AGPAT4: variants seen among roughly 807,000 people sequenced by gnomAD.
AGPAT4 encodes the protein 1-acyl-sn-glycerol-3-phosphate acyltransferase delta.
AGPAT4 carries 15 observed loss-of-function variants against 48.0 expected under a neutral mutation model. That is an observed-to-expected ratio of 0.31 (90% CI 0.21 to 0.48). The LOEUF (loss-of-function observed/expected upper bound fraction) is 0.48. Ranked by LOEUF, AGPAT4 falls within the 20% of genes least tolerant of loss-of-function variation. The pLI, the probability that AGPAT4 is intolerant of heterozygous loss-of-function variation, is 0.99. For synonymous variants in AGPAT4, 178 were observed against 198.7 expected (o/e 0.90, Z 0.88); for missense variants, 314 against 482.5 (o/e 0.65, Z 3.27).
rs1583337625 is a variant in AGPAT4, at chr6:161,216,769, A to T, written c.178+15267T>A. Among the ~76,000 whole-genome samples the T allele has an allele frequency of 6.6e-6, 1 of 152,184 alleles. No individual in the cohort carries two copies. Among genetic ancestry groups the T allele is most frequent in the Non-Finnish European group, 1.5e-5 (1 of 68,046 alleles). On this transcript the variant is annotated intron_variant, in intron 2 of 8. Transcript: ENST00000320285. The surrounding 1 kb of genome is among the most constrained non-coding windows in gnomAD (Gnocchi z 4.8). ...AGAAGCAAAAGCGGAGACCCCTGAT[A>T]AACCCATCAGATCTCGTGAGACTTA... is the stretch of plus-strand genomic sequence containing the variant.
rs1358398705 is a variant in AGPAT4, at chr6:161,272,422, A to G, written c.-90+1516T>C. 6.6e-6 allele frequency among the ~76,000 whole-genome samples: 1 copy of G among 152,214 alleles called. No individual in the cohort carries two copies. Among genetic ancestry groups the G allele is most frequent in the Non-Finnish European group, 1.5e-5 (1 of 68,036 alleles). On this transcript the variant is annotated intron_variant, in intron 1 of 8. Coordinates refer to ENST00000320285, the MANE Select transcript of AGPAT4 (RefSeq NM_020133.3). The surrounding 1 kb of genome is among the most constrained non-coding windows in gnomAD (Gnocchi z 4.2). ...TAAAAGCTAATTATTTGGGATGCCC[A>G]TCAGAAGAATGGTATCCCTTATCAA...
rs1778971463 is a variant in AGPAT4, at chr6:161,133,586, C to CAAAA, written c.*2953_*2954insTTTT. On this transcript the variant is annotated 3_prime_UTR_variant, in exon 9 of 9. Transcript: ENST00000320285. The stretch of plus-strand genomic sequence containing the variant: ...GCTGCATCTTCCAAATGGTTGGTGT[C>CAAAA]TTTTTAAGAGTCCCCGTGGGCTGGC... 6.6e-6 allele frequency: 1 copy of CAAAA among 152,198 alleles called. No individual in the cohort carries two copies. Among genetic ancestry groups the CAAAA allele is most frequent in the East Asian group, 1.9e-4 (1 of 5,196 alleles). The allele number at this position is 152,198 out of a possible 1,614,324, so 9.4% of individuals were successfully genotyped here. A position where few individuals can be genotyped will look rare whatever the true frequency, so the allele number is the denominator to read the frequency against.
chr6:161,179,133 A>T (rs1780511795), intron 2 of AGPAT4, among the ~76,000 whole-genome samples: 1 of 152,158 alleles, frequency 6.6e-6, no homozygotes, highest in African/African-American at 2.4e-5. Flanking sequence ...TCAGGGGCTG[A>T]CTGAAGAACA....
At position 161,138,593 on chromosome 6, in the gene AGPAT4, C is replaced by T. The variant is rs973149053; in HGVS notation, c.1042+829G>A. Among the ~76,000 whole-genome samples the T allele has an allele frequency of 1.3e-5, 2 of 152,076 alleles. No individual in the cohort carries two copies. The highest frequency in any genetic ancestry group is 2.9e-5 in the Non-Finnish European group (2 of 68,026). ...TTCCATTTTCTGCGCTTGTCTATTG[C>T]TTGGGCCTTTTATAGTGAGCATACT... is the stretch of plus-strand genomic sequence containing the variant. On this transcript the variant is annotated intron_variant, in intron 8 of 8. Coordinates refer to ENST00000320285, the MANE Select transcript of AGPAT4 (RefSeq NM_020133.3). The surrounding 1 kb of genome is among the most constrained non-coding windows in gnomAD (Gnocchi z 4.8).
Position 161,155,744 on chromosome 6 carries a change from G to T in AGPAT4, c.349-1434C>A, listed in dbSNP as rs1281455749. 1.3e-5 allele frequency among the ~76,000 whole-genome samples: 2 copies of T among 152,250 alleles called. No individual in the cohort carries two copies. Among genetic ancestry groups the T allele is most frequent in the Non-Finnish European group, 2.9e-5 (2 of 68,046 alleles). Reference sequence around the variant, plus strand: ...GGGGACTCCGGGAACATCCCCGTGGGTGGGTGAACCCACTGGTGCGGGTGT... The same window carrying T: ...GGGGACTCCGGGAACATCCCCGTGGTTGGGTGAACCCACTGGTGCGGGTGT... On this transcript the variant is annotated intron_variant, in intron 3 of 8. Transcript: ENST00000320285. The surrounding 1 kb of genome is among the most constrained non-coding windows in gnomAD (Gnocchi z 5.8).
rs1562344037 is a variant in AGPAT4 at position 161,219,946 on chromosome 6, G to GACAGA, written c.178+12089_178+12090insTCTGT. On this transcript the variant is annotated intron_variant, in intron 2 of 8. Transcript: ENST00000320285. The surrounding 1 kb of genome is among the most constrained non-coding windows in gnomAD (Gnocchi z 4.9). ...GGCAGGCAGGCAGGCAGGCAGGCAG[G>GACAGA]CAGACAGACAGACAGACAGACAGGC... Among the ~76,000 whole-genome samples the GACAGA allele has an allele frequency of 1.3e-4, 18 of 143,808 alleles. No homozygotes were observed. Among genetic ancestry groups the GACAGA allele is most frequent in the African/African-American group, 4.9e-4 (18 of 36,474 alleles). The allele number at this position is 143,808 out of a possible 152,430, so 94.3% of individuals were successfully genotyped here.
In AGPAT4 at chr6:161,144,745, G is replaced by A. The variant is rs1003343749; in HGVS notation, c.843+1779C>T. ...TGTAATCCCAGCACTTTGGGAGGCC[G>A]AGGAGGGCAGATCACAAGACCTTGT... On this transcript the variant is annotated intron_variant, in intron 7 of 8. Coordinates refer to ENST00000320285, the MANE Select transcript of AGPAT4 (RefSeq NM_020133.3). The surrounding 1 kb of genome is among the most constrained non-coding windows in gnomAD (Gnocchi z 6.6). Among the ~76,000 whole-genome samples, 2 of 152,280 alleles carry A rather than the reference G, an allele frequency of 1.3e-5. No homozygotes were observed. The highest frequency in any genetic ancestry group is 2.4e-5 in the African/African-American group (1 of 41,550).
intron 1 of AGPAT4, among the ~76,000 whole-genome samples, chr6:161,268,645 G>A (rs75986527): frequency 0.024 from 3,594 of 152,264 alleles, 64 homozygotes; most frequent in Middle Eastern, 0.061. Flanking sequence ...GTGCCAACCA[G>A]AGTTATTAGG....
At chr6:161,199,752 G>A (rs531458346) in intron 2 of AGPAT4, among the ~76,000 whole-genome samples, 21 of 152,122 alleles carry the variant, frequency 1.4e-4, no homozygotes, top group Non-Finnish European at 1.8e-4. Flanking sequence ...TCTCTCCTCC[G>A]GCCACGTAAA....
At position 161,149,544 on chromosome 6, in the gene AGPAT4, CTTTCT is replaced by C. The variant is rs1271876087; in HGVS notation, c.665-260_665-256del. ...TGAAGTCAGATCATTTTTTTCTTTTCTTTCTTTTCTTTTTTTTTGGAGATGGAGTC... is the reference window on the plus strand; with the variant it reads ...TGAAGTCAGATCATTTTTTTCTTTTCTTTCTTTTTTTTTGGAGATGGAGTC... On this transcript the variant is annotated intron_variant, in intron 5 of 8. Coordinates refer to ENST00000320285, the MANE Select transcript of AGPAT4 (RefSeq NM_020133.3). The surrounding 1 kb of genome is among the most constrained non-coding windows in gnomAD (Gnocchi z 6.5). 6.6e-6 allele frequency among the ~76,000 whole-genome samples: 1 copy of C among 151,698 alleles called. No homozygotes were observed. The highest frequency in any genetic ancestry group is 1.5e-5 in the Non-Finnish European group (1 of 67,954).
Position 161,232,604 on chromosome 6 carries a change from T to C in AGPAT4, c.-89-302A>G, listed in dbSNP as rs1782150765. On this transcript the variant is annotated intron_variant, in intron 1 of 8. Coordinates refer to ENST00000320285, the MANE Select transcript of AGPAT4 (RefSeq NM_020133.3). The surrounding 1 kb of genome is among the most constrained non-coding windows in gnomAD (Gnocchi z 6.8). Reference sequence around the variant, plus strand: ...CGGCCAGGGTTCACCGCTCCCCAGCTGGGCAGCAGCTGAGCCAGCCACGGA... The same window carrying C: ...CGGCCAGGGTTCACCGCTCCCCAGCCGGGCAGCAGCTGAGCCAGCCACGGA... Among the ~76,000 whole-genome samples the C allele has an allele frequency of 6.6e-6, 1 of 152,176 alleles. No homozygotes were observed. The highest frequency in any genetic ancestry group is 2.4e-5 in the African/African-American group (1 of 41,450).
At position 161,139,633 on chromosome 6, in the gene AGPAT4, A is replaced by G; in HGVS notation, c.844-13T>C. ...CCTGAAAGGCATCCTGGGGGACAGG[A>G]AAGAGGACCCTCAGACGCCACACGG... On this transcript the variant is annotated splice_polypyrimidine_tract_variant and intron_variant, in intron 7 of 8. Transcript: ENST00000320285. The surrounding 1 kb of genome is among the most constrained non-coding windows in gnomAD (Gnocchi z 9.1). 1 of 1,589,028 alleles carries G rather than the reference A, an allele frequency of 6.3e-7. No homozygotes were observed.
At position 161,270,296 on chromosome 6, in the gene AGPAT4, G is replaced by A. The variant is rs1174505734; in HGVS notation, c.-90+3642C>T. On this transcript the variant is annotated intron_variant, in intron 1 of 8. Transcript: ENST00000320285. The surrounding 1 kb of genome is among the most constrained non-coding windows in gnomAD (Gnocchi z 5.3). ...CCACTGCAGACCTTCCCAAGCCCAT[G>A]CATGAAGCCAGGTTTCAGAGTTCCA... Among the ~76,000 whole-genome samples the A allele has an allele frequency of 6.6e-6, 1 of 152,164 alleles. No homozygotes were observed. The highest frequency in any genetic ancestry group is 1.5e-5 in the Non-Finnish European group (1 of 68,032).
Position 161,206,869 on chromosome 6 carries a change from T to C in AGPAT4, c.178+25167A>G, listed in dbSNP as rs539205628. Among the ~76,000 whole-genome samples, 2 of 151,644 alleles carry C rather than the reference T, an allele frequency of 1.3e-5. No individual in the cohort carries two copies. The highest frequency in any genetic ancestry group is 4.8e-5 in the African/African-American group (2 of 41,254). On this transcript the variant is annotated intron_variant, in intron 2 of 8. Transcript: ENST00000320285. This position sits in a 1 kb window ranked among gnomAD's most constrained non-coding sequence, Gnocchi z 4.8. The stretch of plus-strand genomic sequence containing the variant: ...AAGAACCAAGTGGAAAAGTAATTGG[T>C]CAAAATAAGACACTCAATGGATGAG...
chr6:161,194,322 G>A (rs1033755563), intron 2 of AGPAT4, among the ~76,000 whole-genome samples: 7 of 152,112 alleles, frequency 4.6e-5, no homozygotes, highest in Admixed American at 3.9e-4. Flanking sequence ...TTGGACGCAC[G>A]ACACTAATCT....
intron 2 of AGPAT4, among the ~76,000 whole-genome samples, chr6:161,167,097 C>CA (rs1780121996): frequency 1.3e-5 from 2 of 152,286 alleles, no homozygotes; most frequent in Admixed American, 6.5e-5. Flanking sequence ...CTGGCAGGCT[C>CA]AGGAAAAGCC....
At position 161,144,058 on chromosome 6, in the gene AGPAT4, G is replaced by C. The variant is rs1390624843; in HGVS notation, c.843+2466C>G. On this transcript the variant is annotated intron_variant, in intron 7 of 8. Coordinates refer to ENST00000320285, the MANE Select transcript of AGPAT4 (RefSeq NM_020133.3). This position sits in a 1 kb window ranked among gnomAD's most constrained non-coding sequence, Gnocchi z 6.6. ...AAACTGGGTCGGGCACCCAGATTTG[G>C]GGCACGTAAAGCTTTAGATCTAGGC... 3.7e-5 allele frequency: 18 copies of C among 488,116 alleles called. No individual in the cohort carries two copies. The highest frequency in any genetic ancestry group is 5.5e-5 in the Non-Finnish European group (13 of 235,720). 30.2% of individuals were successfully genotyped at this position (488,116 alleles called of 1,614,324 possible). A position where few individuals can be genotyped will look rare whatever the true frequency, so the allele number is the denominator to read the frequency against.
Position 161,146,832 on chromosome 6 carries a change from ACAGACAGAT to A in AGPAT4, c.768-242_768-234del, listed in dbSNP as rs1449574928. 6.6e-6 allele frequency among the ~76,000 whole-genome samples: 1 copy of A among 152,220 alleles called. No individual in the cohort carries two copies. On this transcript the variant is annotated intron_variant, in intron 6 of 8. Coordinates refer to ENST00000320285, the MANE Select transcript of AGPAT4 (RefSeq NM_020133.3). The surrounding 1 kb of genome is among the most constrained non-coding windows in gnomAD (Gnocchi z 7.1). The stretch of plus-strand genomic sequence containing the variant: ...ACAACCCAGGGGCCAATTCAATGGC[ACAGACAGAT>A]GCTGTGAGAACAGGGGACACCTGCC...
rs990329308 is a variant in AGPAT4 at position 161,231,511 on chromosome 6, G to A, written c.178+525C>T. ...ACCATAGGGAGAAACTGGCCAAGGA[G>A]TGTACAGAATTTCTCAGTATTATTT... On this transcript the variant is annotated intron_variant, in intron 2 of 8. Transcript: ENST00000320285. The surrounding 1 kb of genome is among the most constrained non-coding windows in gnomAD (Gnocchi z 5.3). 6.6e-6 allele frequency among the ~76,000 whole-genome samples: 1 copy of A among 152,104 alleles called. No individual in the cohort carries two copies. The highest frequency in any genetic ancestry group is 2.4e-5 in the African/African-American group (1 of 41,390).
Sources: allele counts gnomAD v4.1 joint callset (sites outside exome capture counted in the v4.1 genomes callset), GRCh38; gene constraint gnomAD v4.1.1; non-coding constraint Gnocchi (gnomAD v3.1); transcripts MANE v1.5; gene names NCBI Gene and HGNC (gene_info 2026-07-23, HGNC 2026-07-21).